Variants in MGAT5 observed in about 807,000 individuals in gnomAD.
MGAT5 encodes the protein alpha-1,6-mannosylglycoprotein 6-beta-N-acetylglucosaminyltransferase.
MGAT5 carries 30 observed loss-of-function variants against 94.3 expected under a neutral mutation model. The observed-to-expected ratio is 0.32, with a 90% CI of 0.24 to 0.43. The LOEUF is 0.43. Among genes scored for constraint, MGAT5 ranks in the 20% least tolerant of loss-of-function variants. The pLI is 1.00. For synonymous variants in MGAT5, 310 were observed against 322.9 expected, an observed-to-expected ratio of 0.96 and a Z score of 0.43; for missense variants, 691 against 905.5, an observed-to-expected ratio of 0.76 and a Z score of 3.04.
intron 1 of MGAT5, among the ~76,000 whole-genome samples, chr2:134,181,497 G>C (rs910332893): frequency 1.3e-5 from 2 of 152,154 alleles, no homozygotes; most frequent in Non-Finnish European, 2.9e-5. Context: ...CTGTTGTGAG[G>C]GGACACATTG....
chr2:134,336,934 A>G (rs986173416), intron 5 of MGAT5, among the ~76,000 whole-genome samples: 6 of 152,200 alleles, frequency 3.9e-5, no homozygotes, highest in Admixed American at 6.5e-5. Context: ...ATAGATCACT[A>G]AACTTCTACA....
At chr2:134,402,011 A>T (rs1026781161) in intron 10 of MGAT5, among the ~76,000 whole-genome samples, 5 of 152,204 alleles carry the variant, frequency 3.3e-5, no homozygotes, top group Non-Finnish European at 7.3e-5. Flanking sequence ...TGTGGTCTTA[A>T]GTCACAAAAC....
At chr2:134,228,029 C>T (rs897555761) in intron 1 of MGAT5, among the ~76,000 whole-genome samples, 4 of 152,058 alleles carry the variant, frequency 2.6e-5, no homozygotes, top group Non-Finnish European at 5.9e-5. Context: ...GAGAATTTTA[C>T]CACAAAATGG....
intron 9 of MGAT5, among the ~76,000 whole-genome samples, chr2:134,353,092 T>C (rs997740945): frequency 2.6e-5 from 4 of 152,096 alleles, no homozygotes; most frequent in Non-Finnish European, 2.9e-5. Context: ...TATTACAAGA[T>C]GAAAAAGTTC....
At chr2:134,176,571 T>TAAAAAAAAAAA (rs1688474728) in intron 1 of MGAT5, among the ~76,000 whole-genome samples, 1 of 53,500 alleles carries the variant, frequency 1.9e-5, no homozygotes, top group African/African-American at 1.0e-4. Context: ...AGACTCTGTC[T>TAAAAAAAAAAA]TAAAAAAAAA....
At chr2:134,166,838 G>A (rs75721687) in intron 1 of MGAT5, among the ~76,000 whole-genome samples, 313 of 152,314 alleles carry the variant, frequency 2.1e-3, no homozygotes, top group Non-Finnish European at 3.1e-3. Flanking sequence ...CCCGTAGAAA[G>A]CTTTAAATCA....
At chr2:134,289,564 T>C (rs559607175) in intron 2 of MGAT5, among the ~76,000 whole-genome samples, 1 of 152,346 alleles carries the variant, frequency 6.6e-6, no homozygotes, top group African/African-American at 2.4e-5. Flanking sequence ...AAGGTCTGCT[T>C]GCAAGACTAA....
intron 7 of MGAT5, among the ~76,000 whole-genome samples, chr2:134,344,172 G>A (rs530327229): frequency 1.3e-5 from 2 of 152,262 alleles, no homozygotes; most frequent in East Asian, 1.9e-4. Flanking sequence ...GCACTGACTC[G>A]TTCCTACACA....
chr2:134,440,563 G>A (rs1685431151), intron 14 of MGAT5, among the ~76,000 whole-genome samples: 1 of 152,248 alleles, frequency 6.6e-6, no homozygotes, highest in African/African-American at 2.4e-5. Context: ...ACCCTGAGCT[G>A]CTGGGATAGG....
At chr2:134,254,730 G>GCCAAAA in intron 1 of MGAT5, 86 bp downstream of exon 1, 1 of 1,533,804 alleles carries the variant, frequency 6.5e-7, no homozygotes, top group Admixed American at 1.9e-5. Context: ...GTCTTGTCAT[G>GCCAAAA]GACTGAATGT....
chr2:134,136,419 T>C (rs1046198182), intron 1 of MGAT5, among the ~76,000 whole-genome samples: 11 of 152,034 alleles, frequency 7.2e-5, no homozygotes, highest in Non-Finnish European at 1.6e-4. Flanking sequence ...AATAAAAAAT[T>C]AGCTGAGCGT....
At chr2:134,301,045 TCTCTA>T (rs1318678977) in intron 2 of MGAT5, among the ~76,000 whole-genome samples, 3 of 152,114 alleles carry the variant, frequency 2.0e-5, no homozygotes, top group African/African-American at 7.2e-5. Flanking sequence ...CCATAGGCAC[TCTCTA>T]CTCTGATTTC....
intron 2 of MGAT5, among the ~76,000 whole-genome samples, chr2:134,300,967 C>T (rs924305795): frequency 6.6e-6 from 1 of 152,094 alleles, no homozygotes; most frequent in Non-Finnish European, 1.5e-5. Context: ...TCACCACAGG[C>T]AAGATAAGGA....
intron 9 of MGAT5, among the ~76,000 whole-genome samples, chr2:134,351,985 T>G (rs1250510435): frequency 2.6e-5 from 4 of 152,174 alleles, no homozygotes; most frequent in African/African-American, 7.2e-5. Context: ...AATGCATTTT[T>G]AAACTGCACC....
rs764308294 is a variant in MGAT5, at chr2:134,254,418, T to C, written c.15T>C (p.Thr5=). The C allele has an allele frequency of 6.2e-7, 1 of 1,614,212 alleles. No individual in the cohort carries two copies. Among genetic ancestry groups the C allele is most frequent in the East Asian group, 2.2e-5 (1 of 44,880 alleles). The change falls in exon 1 of 16, where the codon ACT becomes ACC. Residue 5 remains threonine (T), a synonymous_variant. Coordinates refer to ENST00000281923, the MANE Select transcript of MGAT5 (RefSeq NM_002410.5). ...GCCAGAGAGCAATGGCTCTCTTCAC[T>C]CCGTGGAAGTTGTCCTCTCAGAAGC... MALF[T]PWKLSSQKLG...
chr2:134,157,501 A>G (rs999170858), intron 1 of MGAT5, among the ~76,000 whole-genome samples: 4 of 152,050 alleles, frequency 2.6e-5, no homozygotes, highest in African/African-American at 9.7e-5. Flanking sequence ...ATTATAACCA[A>G]TGTGTTGTCT....
intron 1 of MGAT5, among the ~76,000 whole-genome samples, chr2:134,177,350 C>T (rs1688526323): frequency 6.6e-6 from 1 of 152,058 alleles, no homozygotes. Flanking sequence ...AACTGTCATT[C>T]CAGCCCACAG....
chr2:134,428,249 C>A, intron 13 of MGAT5, 116 bp from the exon 14 acceptor site: 2 of 856,280 alleles, frequency 2.3e-6, no homozygotes, highest in Non-Finnish European at 1.9e-6. Flanking sequence ...CATAGTCAAC[C>A]CTCATGAGGC....
At chr2:134,237,123 A>ATGTGTGTGTGTGTGTGTGTGTGTGTG (rs68003122) in intron 1 of MGAT5, among the ~76,000 whole-genome samples, 1 of 140,626 alleles carries the variant, frequency 7.1e-6, no homozygotes, top group African/African-American at 2.6e-5. Context: ...GAAGGAGTAT[A>ATGTGTGTGTGTGTGTGTGTGTGTGTG]TGTGTGTGTG....
Sources: allele counts gnomAD v4.1 joint callset (sites outside exome capture counted in the v4.1 genomes callset), GRCh38; gene constraint gnomAD v4.1.1; transcripts MANE v1.5; gene names NCBI Gene and HGNC (gene_info 2026-07-23, HGNC 2026-07-21).